The following TAFA1 variants were observed in gnomAD, a reference collection of about 807,000 sequenced individuals.
TAFA1 encodes the protein TAFA chemokine like family member 1, also known as chemokine-like protein TAFA-1.
A neutral mutation model predicts 18.5 loss-of-function variants in TAFA1; 4 were observed. That is an observed-to-expected ratio of 0.22 (90% CI 0.11 to 0.49). The LOEUF (loss-of-function observed/expected upper bound fraction) is 0.49, where lower values mean the gene tolerates loss of function less well. Among genes scored for constraint, TAFA1 ranks in the 20% least tolerant of loss-of-function variants. The probability of loss-of-function intolerance (pLI) is 0.98; values close to 1 mark genes in which losing one functional copy is unlikely to be tolerated. For synonymous variants in TAFA1, 56 were observed against 55.2 expected (o/e 1.01, Z -0.06); for missense variants, 147 against 169.0 (o/e 0.87, Z 0.72).
At chr3:68,420,683 G>C (rs2070937700) in intron 3 of TAFA1, among the ~76,000 whole-genome samples, 1 of 152,138 alleles carries the variant, frequency 6.6e-6, no homozygotes, top group East Asian at 1.9e-4. Flanking sequence ...ATACCTAGTG[G>C]GTAGAGGCCA....
intron 2 of TAFA1, among the ~76,000 whole-genome samples, chr3:68,407,060 A>G (rs2070625036): frequency 6.6e-6 from 1 of 152,082 alleles, no homozygotes; most frequent in Non-Finnish European, 1.5e-5. Flanking sequence ...TTTCAGGGAG[A>G]TAATGATGCC....
intron 2 of TAFA1, among the ~76,000 whole-genome samples, chr3:68,142,029 T>C (rs1402608600): frequency 6.6e-6 from 1 of 152,212 alleles, no homozygotes; most frequent in Non-Finnish European, 1.5e-5. Flanking sequence ...AATCTGAAGT[T>C]ACCAAACTCC....
intron 3 of TAFA1, among the ~76,000 whole-genome samples, chr3:68,440,317 T>C (rs2071352235): frequency 1.3e-5 from 2 of 152,168 alleles, no homozygotes; most frequent in Non-Finnish European, 2.9e-5. Flanking sequence ...CCATTAAACC[T>C]CTTTCTTTTG....
At chr3:68,070,881 A>T (rs1162616173) in intron 2 of TAFA1, among the ~76,000 whole-genome samples, 1 of 152,214 alleles carries the variant, frequency 6.6e-6, no homozygotes, top group Non-Finnish European at 1.5e-5. Flanking sequence ...TTTCCATCTG[A>T]TAACACCTTG....
intron 2 of TAFA1, among the ~76,000 whole-genome samples, chr3:68,260,699 G>A (rs1211320969): frequency 2.6e-5 from 4 of 152,050 alleles, no homozygotes; most frequent in African/African-American, 9.7e-5. Context: ...AATGATGCTG[G>A]GAAAACTGGC....
intron 2 of TAFA1, among the ~76,000 whole-genome samples, chr3:68,163,286 T>C (rs1323031642): frequency 1.3e-5 from 2 of 152,210 alleles, no homozygotes; most frequent in Non-Finnish European, 2.9e-5. Flanking sequence ...AAGCCTGTGG[T>C]CTGGGAGTTA....
chr3:68,045,616 A>C (rs1317373479), intron 2 of TAFA1, among the ~76,000 whole-genome samples: 3 of 152,002 alleles, frequency 2.0e-5, no homozygotes, highest in Non-Finnish European at 4.4e-5. Context: ...TTGAGACTTG[A>C]GTCCTAGTAT....
chr3:68,320,163 T>C (rs932869846), intron 2 of TAFA1, among the ~76,000 whole-genome samples: 1 of 152,186 alleles, frequency 6.6e-6, no homozygotes, highest in South Asian at 2.1e-4. Flanking sequence ...GATTGAGAGA[T>C]GGTGTATGTT....
chr3:68,463,614 C>G lies in TAFA1; in HGVS notation c.259+46194C>G, dbSNP rs80054704. Among the ~76,000 whole-genome samples, 8 of 152,228 alleles carry G rather than the reference C, an allele frequency of 5.3e-5. No individual in the cohort carries two copies. The South Asian group carries it at 1.7e-3, about 32-fold the overall frequency. ...GTCCACAATGAATCTTGATCCATGT[C>G]CTGTGTTCCAAATTTTCATAGAAAA... On this transcript the variant is annotated intron_variant, in intron 3 of 4. Coordinates refer to ENST00000478136, the MANE Select transcript of TAFA1 (RefSeq NM_213609.4).
At chr3:68,017,824 G>A (rs935477502) in intron 2 of TAFA1, among the ~76,000 whole-genome samples, 2 of 152,186 alleles carry the variant, frequency 1.3e-5, no homozygotes, top group African/African-American at 4.8e-5. Flanking sequence ...AAGATGCAAA[G>A]CTGCTTGTGT....
chr3:68,530,577 T>C (rs2073174751), intron 3 of TAFA1, among the ~76,000 whole-genome samples: 1 of 152,168 alleles, frequency 6.6e-6, no homozygotes, highest in South Asian at 2.1e-4. Flanking sequence ...TCTTCTTTCA[T>C]AATCACTTCA....
chr3:68,131,894 T>A (rs548305191), intron 2 of TAFA1, among the ~76,000 whole-genome samples: 2 of 152,224 alleles, frequency 1.3e-5, no homozygotes, highest in South Asian at 4.1e-4. Context: ...CTTTTTTTTT[T>A]ATTATTATGC....
intron 2 of TAFA1, among the ~76,000 whole-genome samples, chr3:68,326,670 T>C (rs1184205768): frequency 6.6e-6 from 1 of 152,162 alleles, no homozygotes; most frequent in Non-Finnish European, 1.5e-5. Flanking sequence ...TAAAAAGAAT[T>C]ATCATGGCAG....
chr3:68,275,199 T>C (rs2067770768), intron 2 of TAFA1, among the ~76,000 whole-genome samples: 1 of 152,082 alleles, frequency 6.6e-6, no homozygotes, highest in Non-Finnish European at 1.5e-5. Flanking sequence ...CCTTCCTTTA[T>C]AGGTCTAGGA....
chr3:68,083,224 C>A (rs976455818), intron 2 of TAFA1, among the ~76,000 whole-genome samples: 1 of 152,104 alleles, frequency 6.6e-6, no homozygotes, highest in African/African-American at 2.4e-5. Flanking sequence ...ACATTCTGGG[C>A]AGTAAGGAAA....
rs186464253 is a variant in TAFA1, at chr3:68,174,856, G to A, written c.118+168112G>A. Reference sequence around the variant, plus strand: ...AATGGGGAAAATCTCCCCAGGGTATGTCAGAGGTCTTCATGGCTGCCCCTC... The same window carrying A: ...AATGGGGAAAATCTCCCCAGGGTATATCAGAGGTCTTCATGGCTGCCCCTC... On this transcript the variant is annotated intron_variant, in intron 2 of 4. Transcript: ENST00000478136. Among the ~76,000 whole-genome samples the A allele has an allele frequency of 4.6e-5, 7 of 152,332 alleles. No homozygotes were observed. The East Asian group carries it at 1.4e-3, about 29-fold the overall frequency.
chr3:67,994,597 G>C, the TAFA1 span, among the ~76,000 whole-genome samples: 5 of 152,166 alleles, frequency 3.3e-5, no homozygotes, highest in African/African-American at 1.2e-4. Flanking sequence ...TTCAAAAAAG[G>C]ACATTTCCCC....
At chr3:68,135,126 T>G (rs536657690) in intron 2 of TAFA1, among the ~76,000 whole-genome samples, 33 of 152,306 alleles carry the variant, frequency 2.2e-4, no homozygotes, top group Non-Finnish European at 4.6e-4. Flanking sequence ...AGGTCTCATT[T>G]CAGCCAAGTA....
intron 3 of TAFA1, among the ~76,000 whole-genome samples, chr3:68,493,645 G>A (rs1042752888): frequency 6.6e-6 from 1 of 152,168 alleles, no homozygotes; most frequent in African/African-American, 2.4e-5. Context: ...ACCAACACTT[G>A]TTATTTATTT....
Sources: gnomAD v4.1 joint callset for allele counts (sites outside exome capture counted in the v4.1 genomes callset) on GRCh38, gnomAD v4.1.1 for gene constraint, MANE v1.5 for transcripts, NCBI Gene and HGNC (gene_info 2026-07-23, HGNC 2026-07-21) for gene names.